PCDHGA5: variants seen among roughly 807,000 people sequenced by gnomAD.
PCDHGA5 encodes protocadherin gamma-A5.
Under a neutral mutation model 56.7 loss-of-function variants are expected in PCDHGA5, and 36 were observed. The observed-to-expected ratio is 0.64, with a 90% CI of 0.49 to 0.84. The LOEUF (loss-of-function observed/expected upper bound fraction) is 0.84. PCDHGA5 is among the 40% of genes least tolerant of loss of function. The probability of loss-of-function intolerance (pLI) is 0.00; values close to 1 mark genes in which losing one functional copy is unlikely to be tolerated. For synonymous variants in PCDHGA5, 563 were observed against 520.2 expected (o/e 1.08, Z -1.12); for missense variants, 1,305 against 1,201.5 (o/e 1.09, Z -1.27).
At position 141,490,664 on chromosome 5, in the gene PCDHGA5, C is replaced by T; in HGVS notation, c.2422-4143C>T. 6.2e-7 allele frequency: 1 copy of T among 1,614,212 alleles called. No homozygotes were observed. The highest frequency in any genetic ancestry group is 1.1e-5 in the South Asian group (1 of 91,084). On this transcript the variant is annotated intron_variant, in intron 1 of 3. Coordinates refer to ENST00000518069, the MANE Select transcript of PCDHGA5 (RefSeq NM_018918.3). The surrounding 1 kb of genome is among the most constrained non-coding windows in gnomAD (Gnocchi z 5.4). ...CGGCCTCCGGGCTCCCTTCTTTGCA[C>T]TGTGGCTGCCTCAGATCCAGACACT...
chr5:141,492,106 C>T (rs1265796740), intron 1 of PCDHGA5, among the ~76,000 whole-genome samples: 2 of 152,238 alleles, frequency 1.3e-5, no homozygotes, highest in South Asian at 2.1e-4. Flanking sequence ...TGTAGATTTC[C>T]TCTTCGATTT....
In PCDHGA5 at chr5:141,493,356, C is replaced by G. The variant is rs1303319550; in HGVS notation, c.2422-1451C>G. On this transcript the variant is annotated intron_variant, in intron 1 of 3. Transcript: ENST00000518069. The surrounding 1 kb of genome is among the most constrained non-coding windows in gnomAD (Gnocchi z 4.3). ...ACTCCAGAATGTGTGCTTTTAATTT[C>G]TTGGCACTTGGAACTTTAAAAGCTT... Among the ~76,000 whole-genome samples the G allele has an allele frequency of 6.6e-6, 1 of 152,182 alleles. No individual in the cohort carries two copies. The highest frequency in any genetic ancestry group is 1.5e-5 in the Non-Finnish European group (1 of 68,032).
chr5:141,374,357 CGCGAGGAGCTCTGT>C (rs1770415063), intron 1 of PCDHGA5: 2 of 1,613,900 alleles, frequency 1.2e-6, no homozygotes, highest in Non-Finnish European at 1.7e-6. Context: ...TAGGATAGAC[CGCGAGGAGCTCTGT>C]GCTCAGAGCC....
At chr5:141,384,790 G>T (rs999175494) in intron 1 of PCDHGA5, 2 of 1,613,416 alleles carry the variant, frequency 1.2e-6, no homozygotes, top group African/African-American at 2.7e-5. Flanking sequence ...CACGGCTCGG[G>T]CCCTGCTGGA....
At chr5:141,444,873 C>T (rs1298516499) in intron 1 of PCDHGA5, among the ~76,000 whole-genome samples, 1 of 152,080 alleles carries the variant, frequency 6.6e-6, no homozygotes, top group African/African-American at 2.4e-5. Flanking sequence ...CAGGACAAAG[C>T]TTGTAGGATT....
chr5:141,482,601 A>T (rs1158399317), intron 1 of PCDHGA5, among the ~76,000 whole-genome samples: 1 of 152,002 alleles, frequency 6.6e-6, no homozygotes, highest in Non-Finnish European at 1.5e-5. Flanking sequence ...ACGGGAAAAA[A>T]CACCTAAATG....
In PCDHGA5 at chr5:141,511,402, A is replaced by C; in HGVS notation, c.*229A>C. On this transcript the variant is annotated 3_prime_UTR_variant, in exon 4 of 4. Transcript: ENST00000518069. Reference sequence around the variant, plus strand: ...TTCCGCTGGGAACCCCCATCCAATCAACTGCTGTACCCATGGGGGTAGTGG... The same window carrying C: ...TTCCGCTGGGAACCCCCATCCAATCCACTGCTGTACCCATGGGGGTAGTGG... The C allele has an allele frequency of 1.0e-6, 1 of 969,684 alleles. No individual in the cohort carries two copies. 60.1% of individuals were successfully genotyped at this position (969,684 alleles called of 1,614,324 possible).
At chr5:141,418,687 G>T (rs758554600) in intron 1 of PCDHGA5, 1 of 1,613,928 alleles carries the variant, frequency 6.2e-7, no homozygotes, top group African/African-American at 1.3e-5. Context: ...TCAACTCAGA[G>T]ATCACTTATT....
chr5:141,434,870 C>G (rs1263324193), intron 1 of PCDHGA5, among the ~76,000 whole-genome samples: 3 of 151,726 alleles, frequency 2.0e-5, no homozygotes, highest in Non-Finnish European at 1.5e-5. Flanking sequence ...ATATATGTGA[C>G]AGATACCAAC....
chr5:141,453,700 G>T (rs953445370), intron 1 of PCDHGA5, among the ~76,000 whole-genome samples: 1 of 152,166 alleles, frequency 6.6e-6, no homozygotes, highest in East Asian at 1.9e-4. Flanking sequence ...TCCTGGCTTT[G>T]AACAGTTTCA....
chr5:141,393,774 G>A (rs767667499), intron 1 of PCDHGA5: 9 of 1,613,824 alleles, frequency 5.6e-6, no homozygotes, highest in Non-Finnish European at 7.6e-6. Context: ...GGAAATACAA[G>A]CCGAAGATGT....
At chr5:141,471,654 G>A (rs1235665796) in intron 1 of PCDHGA5, 2 of 152,044 alleles carry the variant, frequency 1.3e-5, no homozygotes, top group South Asian at 2.1e-4. Flanking sequence ...CTGGATGTGG[G>A]GATGCAGAAA....
chr5:141,422,513 G>T, intron 1 of PCDHGA5: 2 of 1,614,000 alleles, frequency 1.2e-6, no homozygotes, highest in Non-Finnish European at 1.7e-6. Context: ...ACAGACCAGG[G>T]AAGCCCGCCT....
intron 1 of PCDHGA5, among the ~76,000 whole-genome samples, chr5:141,436,677 G>T (rs966497986): frequency 2.2e-4 from 33 of 152,278 alleles, no homozygotes; most frequent in Non-Finnish European, 2.9e-5. Flanking sequence ...CCAAAAAAAG[G>T]ATTTATATTT....
chr5:141,444,762 T>A (rs767523211), intron 1 of PCDHGA5, among the ~76,000 whole-genome samples: 2 of 152,248 alleles, frequency 1.3e-5, no homozygotes, highest in Non-Finnish European at 2.9e-5. Flanking sequence ...TAGTTCTATT[T>A]CTATATTCTT....
rs751345684 is a variant in PCDHGA5 at position 141,398,995 on chromosome 5, C to G, written c.2421+32244C>G. ...CTACAGAACCGGGCAAATCTTTAGT[C>G]TGAATTCAAAGAGCGGAGAAATTAC... On this transcript the variant is annotated intron_variant, in intron 1 of 3. Transcript: ENST00000518069. 2.5e-5 allele frequency: 41 copies of G among 1,613,782 alleles called. No homozygotes were observed. The East Asian group carries it at 8.7e-4, about 34-fold the overall frequency.
rs749499883 is a variant in PCDHGA5 at position 141,486,382 on chromosome 5, C to T, written c.2422-8425C>T. ...TTGCCCTCAAGTCTGCCTTCAGGAA[C>T]CAGTTCTCCCTGGTGACTGCTGGAC... is the stretch of plus-strand genomic sequence containing the variant. On this transcript the variant is annotated intron_variant, in intron 1 of 3. Transcript: ENST00000518069. The surrounding 1 kb of genome is among the most constrained non-coding windows in gnomAD (Gnocchi z 5.0). 25 of 1,613,986 alleles carry T rather than the reference C, an allele frequency of 1.5e-5. No homozygotes were observed. The highest frequency in any genetic ancestry group is 1.9e-5 in the Non-Finnish European group (23 of 1,179,998).
chr5:141,409,541 G>C lies in PCDHGA5; in HGVS notation c.2421+42790G>C, dbSNP rs1485327824. ...CACCTTGTATGTCGCTGACATCAAC[G>C]ACAACGCCCCAGTTTTCGACCAGAC... On this transcript the variant is annotated intron_variant, in intron 1 of 3. Coordinates refer to ENST00000518069, the MANE Select transcript of PCDHGA5 (RefSeq NM_018918.3). 16 of 1,613,852 alleles carry C rather than the reference G, an allele frequency of 9.9e-6. No homozygotes were observed. Among genetic ancestry groups the C allele is most frequent in the Admixed American group, 1.7e-5 (1 of 60,016 alleles).
Position 141,511,042 on chromosome 5 carries a change from G to C in PCDHGA5, c.2665G>C (p.Asp889His), listed in dbSNP as rs774071540. Residue 889 changes from aspartate (D) to histidine (H), a missense_variant, in exon 4 of 4, where the codon GAC becomes CAC. Transcript: ENST00000518069. Reference sequence around the variant, plus strand: ...CCAGTTCACCCTGCAGCACGTGCCCGACTACCGCCAGAATGTCTACATCCC... The same window carrying C: ...CCAGTTCACCCTGCAGCACGTGCCCCACTACCGCCAGAATGTCTACATCCC... ...GPQFTLQHVP[D>H]YRQNVYIPGS... 6.2e-7 allele frequency: 1 copy of C among 1,614,182 alleles called. No homozygotes were observed. Among genetic ancestry groups the C allele is most frequent in the South Asian group, 1.1e-5 (1 of 91,084 alleles).
Sources: allele counts gnomAD v4.1 joint callset (sites outside exome capture counted in the v4.1 genomes callset), GRCh38; gene constraint gnomAD v4.1.1; non-coding constraint Gnocchi (gnomAD v3.1); transcripts MANE v1.5; gene names NCBI Gene and HGNC (gene_info 2026-07-23, HGNC 2026-07-21).